Variants in TANC1 observed in about 807,000 individuals in gnomAD.
TANC1 encodes the protein protein TANC1.
TANC1 carries 77 observed loss-of-function variants against 149.7 expected under a neutral mutation model. That is an observed-to-expected ratio of 0.51 (90% CI 0.43 to 0.62). The LOEUF is 0.62. TANC1 is among the 20% of genes least tolerant of loss of function. The pLI is 0.00. For synonymous variants in TANC1, 854 were observed against 925.0 expected, an observed-to-expected ratio of 0.92 and a Z score of 1.39; for missense variants, 1,985 against 2,321.8, an observed-to-expected ratio of 0.85 and a Z score of 2.98.
At chr2:159,169,461 C>A in intron 9 of TANC1, 89 bp downstream of exon 9, 1 of 1,360,432 alleles carries the variant, frequency 7.4e-7, no homozygotes, top group Non-Finnish European at 1.0e-6. Flanking sequence ...TTGAAGCCAA[C>A]TGTGTTTATA....
intron 4 of TANC1, among the ~76,000 whole-genome samples, chr2:159,103,592 A>G (rs1470977780): frequency 1.0e-5 from 1 of 96,814 alleles, no homozygotes; most frequent in African/African-American, 2.9e-5. Context: ...GCTGAGTCAG[A>G]TCAAGTTCAT....
rs181053757 is a variant in TANC1 at position 158,999,694 on chromosome 2, C to T, written c.-125-1386C>T. ...GAAGGGGATGCTTCACAGTCTAGAT[C>T]GAGGGAGAAAATGTCCGACATCATA... is the stretch of plus-strand genomic sequence containing the variant. On this transcript the variant is annotated intron_variant, in intron 1 of 26. Coordinates refer to ENST00000263635, the MANE Select transcript of TANC1 (RefSeq NM_033394.3). Among the ~76,000 whole-genome samples the T allele has an allele frequency of 8.5e-5, 13 of 152,154 alleles. No individual in the cohort carries two copies. The East Asian group carries it at 2.3e-3, about 27-fold the overall frequency.
intron 23 of TANC1, 61 bp from the exon 24 acceptor site, chr2:159,225,627 G>A (rs2059977639): frequency 7.3e-7 from 1 of 1,368,818 alleles, no homozygotes; most frequent in Non-Finnish European, 1.0e-6. Context: ...GGGCCACGGA[G>A]GAATTGGGAT....
At chr2:159,121,292 T>C (rs2048821995) in intron 4 of TANC1, among the ~76,000 whole-genome samples, 1 of 152,256 alleles carries the variant, frequency 6.6e-6, no homozygotes, top group Admixed American at 6.5e-5. Flanking sequence ...TGCAATTATT[T>C]ATGCACTTAA....
intron 1 of TANC1, among the ~76,000 whole-genome samples, chr2:158,998,430 C>G (rs1488911336): frequency 6.6e-6 from 1 of 152,140 alleles, no homozygotes; most frequent in Non-Finnish European, 1.5e-5. Flanking sequence ...CAGCCCCTAC[C>G]CCCAACAAAA....
intron 2 of TANC1, chr2:159,004,392 G>T: frequency 2.5e-6 from 3 of 1,201,822 alleles, no homozygotes; most frequent in Middle Eastern, 2.8e-4. Context: ...AAGTTTTACA[G>T]ACACAGAGAA....
chr2:159,022,451 G>A (rs1459900913), intron 2 of TANC1, among the ~76,000 whole-genome samples: 1 of 152,156 alleles, frequency 6.6e-6, no homozygotes, highest in Non-Finnish European at 1.5e-5. Context: ...CTGGAAATTA[G>A]AAGTGGAGGT....
At chr2:159,031,790 A>C (rs1008786933) in intron 2 of TANC1, among the ~76,000 whole-genome samples, 1 of 152,232 alleles carries the variant, frequency 6.6e-6, no homozygotes, top group African/African-American at 2.4e-5. Context: ...AGAGCAAGGG[A>C]AAACTCACCC....
chr2:159,053,615 A>T (rs2041633038), intron 2 of TANC1, among the ~76,000 whole-genome samples: 1 of 152,272 alleles, frequency 6.6e-6, no homozygotes, highest in Non-Finnish European at 1.5e-5. Flanking sequence ...CATTGAGATC[A>T]TCAGGCCATT....
chr2:159,063,326 G>T (rs2042402077), intron 2 of TANC1, among the ~76,000 whole-genome samples: 1 of 152,116 alleles, frequency 6.6e-6, no homozygotes, highest in South Asian at 2.1e-4. Flanking sequence ...GTCATTATTG[G>T]CCCCTAGGGT....
chr2:159,017,695 A>T (rs200868059), intron 2 of TANC1, among the ~76,000 whole-genome samples: 53 of 138,954 alleles, frequency 3.8e-4, no homozygotes, highest in East Asian at 1.7e-3. Flanking sequence ...ACAACAACAA[A>T]ATATATATAT....
chr2:159,046,562 C>G (rs1043286293), intron 2 of TANC1, among the ~76,000 whole-genome samples: 4 of 144,852 alleles, frequency 2.8e-5, no homozygotes, highest in Non-Finnish European at 6.0e-5. Flanking sequence ...TTCTGGGTTC[C>G]TATGCACCAT....
At chr2:159,150,331 T>G (rs1345651812) in intron 6 of TANC1, 39 bp from the exon 7 acceptor site, 1 of 1,571,888 alleles carries the variant, frequency 6.4e-7, no homozygotes, top group African/African-American at 1.3e-5. Context: ...AAGCATCCTG[T>G]GTAAGCCGTG....
intron 16 of TANC1, 45 bp downstream of exon 16, chr2:159,187,069 G>T: frequency 6.2e-7 from 1 of 1,605,538 alleles, no homozygotes; most frequent in Non-Finnish European, 8.5e-7. Context: ...AGCCCTGGCC[G>T]GCTGCTGGCC....
chr2:159,164,795 G>T (rs529750160), intron 8 of TANC1, among the ~76,000 whole-genome samples: 64 of 152,316 alleles, frequency 4.2e-4, no homozygotes, highest in African/African-American at 1.5e-3. Flanking sequence ...TAAATAAGTG[G>T]CCCTAATGGA....
intron 3 of TANC1, among the ~76,000 whole-genome samples, chr2:159,084,298 T>TC (rs989985384): frequency 9.8e-4 from 147 of 150,156 alleles, no homozygotes; most frequent in Admixed American, 2.9e-3. Flanking sequence ...CACTCCTAGC[T>TC]CCCCCCCCAA....
rs747286167 is a variant in TANC1, at chr2:159,219,819, T to C, written c.3630T>C (p.Asn1210=). 1 of 1,613,840 alleles carries C rather than the reference T, an allele frequency of 6.2e-7. No homozygotes were observed. Among genetic ancestry groups the C allele is most frequent in the South Asian group, 1.1e-5 (1 of 91,056 alleles). Residue 1210 remains asparagine (N), a synonymous_variant, in exon 22 of 27, where the codon AAT becomes AAC. Coordinates refer to ENST00000263635, the MANE Select transcript of TANC1 (RefSeq NM_033394.3). ...CTGCAATAGACCAGACAGACAAGAA[T>C]GGCCGCACACCCTTGGACCTGGCTG... ...EGAAIDQTDK[N]GRTPLDLAAF...
At chr2:158,996,768 G>A (rs950942148) in intron 1 of TANC1, among the ~76,000 whole-genome samples, 2 of 152,138 alleles carry the variant, frequency 1.3e-5, no homozygotes, top group African/African-American at 2.4e-5. Flanking sequence ...AGGGATACAC[G>A]TAGACATAAG....
intron 1 of TANC1, among the ~76,000 whole-genome samples, chr2:158,975,490 G>A (rs1034152152): frequency 1.3e-5 from 2 of 152,066 alleles, no homozygotes; most frequent in East Asian, 3.9e-4. Context: ...GTTAGGTCCT[G>A]GCATATTTGA....
Sources: allele counts gnomAD v4.1 joint callset (sites outside exome capture counted in the v4.1 genomes callset), GRCh38; gene constraint gnomAD v4.1.1; transcripts MANE v1.5; gene names NCBI Gene and HGNC (gene_info 2026-07-23, HGNC 2026-07-21).